The following CCDC170 variants were observed in gnomAD, a reference collection of about 807,000 sequenced individuals.
CCDC170 encodes the protein coiled-coil domain containing 170.
In CCDC170, 69 loss-of-function variants were observed where a neutral mutation model predicts 72.6. The ratio of observed to expected loss-of-function variants is 0.95; its 90% CI spans 0.78 to 1.16. The LOEUF (loss-of-function observed/expected upper bound fraction) is 1.16, where lower values mean the gene tolerates loss of function less well. Ranked by LOEUF, CCDC170 falls within the 50% of genes most tolerant of loss-of-function variation. The probability of loss-of-function intolerance (pLI) is 0.00; values close to 1 mark genes in which losing one functional copy is unlikely to be tolerated. For synonymous variants in CCDC170, 300 were observed against 303.9 expected (o/e 0.99, Z 0.13); for missense variants, 852 against 832.5 (o/e 1.02, Z -0.29).
intron 5 of CCDC170, among the ~76,000 whole-genome samples, chr6:151,549,817 T>C (rs1782851783): frequency 6.6e-6 from 1 of 152,250 alleles, no homozygotes; most frequent in Non-Finnish European, 1.5e-5. Context: ...GTTGACACAC[T>C]CTGCACACTA....
At chr6:151,614,164 A>G (rs933614885) in intron 9 of CCDC170, among the ~76,000 whole-genome samples, 1 of 152,184 alleles carries the variant, frequency 6.6e-6, no homozygotes, top group Non-Finnish European at 1.5e-5. Flanking sequence ...GTACAATTCC[A>G]TGGTGTTAAG....
At chr6:151,553,126 G>A (rs1782912088) in intron 5 of CCDC170, among the ~76,000 whole-genome samples, 1 of 152,028 alleles carries the variant, frequency 6.6e-6, no homozygotes, top group African/African-American at 2.4e-5. Context: ...TCCTAAGACT[G>A]GTGAATGGTG....
At chr6:151,500,575 A>T (rs1218773005) in intron 1 of CCDC170, among the ~76,000 whole-genome samples, 1 of 114,474 alleles carries the variant, frequency 8.7e-6, no homozygotes, top group Non-Finnish European at 1.7e-5. Context: ...GTTGAAAGTA[A>T]AAGTGTATAA....
intron 6 of CCDC170, among the ~76,000 whole-genome samples, chr6:151,577,788 A>G (rs1776325292): frequency 6.6e-6 from 1 of 152,248 alleles, no homozygotes; most frequent in South Asian, 2.1e-4. Flanking sequence ...CAGCAGCGGC[A>G]TTAGATTCTC....
In CCDC170 at chr6:151,509,207, CATCTATCTATCTATGTATCT is replaced by C. The variant is rs1483830695; in HGVS notation, c.57+15037_57+15056del. ...CTCCCCCCTTTCGCTCTCTCTGTCT[CATCTATCTATCTATGTATCT>C]ATCTATCTATCTATCTATCTATCTA... On this transcript the variant is annotated intron_variant, in intron 1 of 10. Coordinates refer to ENST00000239374, the MANE Select transcript of CCDC170 (RefSeq NM_025059.4). Among the ~76,000 whole-genome samples, 988 of 141,810 alleles carry C rather than the reference CATCTATCTATCTATGTATCT, an allele frequency of 7.0e-3. 11 individuals are homozygous for C. Among genetic ancestry groups the C allele is most frequent in the African/African-American group, 0.026 (929 of 35,744 alleles). The allele number at this position is 141,810 out of a possible 152,430, so 93.0% of individuals were successfully genotyped here.
chr6:151,613,631 T>C (rs1416687786), intron 9 of CCDC170, among the ~76,000 whole-genome samples: 4 of 152,230 alleles, frequency 2.6e-5, no homozygotes, highest in African/African-American at 9.6e-5. Context: ...CTTAGCATGA[T>C]GTTTTCAAGG....
intron 5 of CCDC170, among the ~76,000 whole-genome samples, chr6:151,561,713 T>G (rs1776037464): frequency 6.6e-6 from 1 of 152,106 alleles, no homozygotes; most frequent in Admixed American, 6.5e-5. Context: ...TTGTATACTA[T>G]CTCATAGGAG....
At chr6:151,587,549 G>T (rs1776472062) in intron 7 of CCDC170, among the ~76,000 whole-genome samples, 2 of 152,172 alleles carry the variant, frequency 1.3e-5, no homozygotes, top group African/African-American at 4.8e-5. Flanking sequence ...ATGCCCTAAA[G>T]TTGAAACATG....
chr6:151,610,034 A>T (rs1776844956), intron 9 of CCDC170, among the ~76,000 whole-genome samples: 1 of 152,216 alleles, frequency 6.6e-6, no homozygotes, highest in African/African-American at 2.4e-5. Context: ...TTCTTTTATA[A>T]ATACAAGGTT....
At chr6:151,579,106 A>G (rs1371430802) in intron 6 of CCDC170, among the ~76,000 whole-genome samples, 2 of 151,574 alleles carry the variant, frequency 1.3e-5, no homozygotes, top group African/African-American at 4.9e-5. Context: ...CTCACCCTCC[A>G]CTGCCCACCT....
chr6:151,554,256 A>G (rs993084934), intron 5 of CCDC170, among the ~76,000 whole-genome samples: 2 of 152,230 alleles, frequency 1.3e-5, no homozygotes, highest in African/African-American at 4.8e-5. Context: ...CCCATTTCCT[A>G]TGAATTACAG....
At chr6:151,526,300 G>A (rs1782409947) in intron 1 of CCDC170, among the ~76,000 whole-genome samples, 2 of 151,534 alleles carry the variant, frequency 1.3e-5, no homozygotes, top group African/African-American at 2.4e-5. Flanking sequence ...TTGGCTCACT[G>A]CACCTCCACC....
chr6:151,557,970 C>T (rs111245089), intron 5 of CCDC170, among the ~76,000 whole-genome samples: 2,825 of 152,190 alleles, frequency 0.019, 99 homozygotes, highest in African/African-American at 0.064. Context: ...CGTGGTGATA[C>T]ACACTTGTAA....
At chr6:151,573,514 C>T in intron 6 of CCDC170, 23 bp downstream of exon 6, 2 of 1,601,216 alleles carry the variant, frequency 1.2e-6, no homozygotes, top group Non-Finnish European at 8.5e-7. Context: ...TGGCTGTTTA[C>T]AGACATCTTA....
rs1369608642 is a variant in CCDC170, at chr6:151,548,310, G to A, written c.595G>A (p.Asp199Asn). 5 of 1,577,024 alleles carry A rather than the reference G, an allele frequency of 3.2e-6. No individual in the cohort carries two copies. The highest frequency in any genetic ancestry group is 4.3e-6 in the Non-Finnish European group (5 of 1,160,276). Residue 199 changes from aspartate to asparagine, a missense_variant, in exon 5 of 11, where the codon GAC (aspartate) becomes AAC (asparagine). By Grantham distance (23) the Asp-to-Asn change is conservative. Coordinates refer to ENST00000239374, the MANE Select transcript of CCDC170 (RefSeq NM_025059.4). ...GTAATTGCTTTCTCTTCAGCTTAGA[G>A]ACCTGCGCAAAGAAAATGAATTCGT... ...SDEDLILKLR[D>N]LRKENEFVKG...
chr6:151,584,771 C>A (rs1344799829), intron 6 of CCDC170, among the ~76,000 whole-genome samples: 3 of 152,122 alleles, frequency 2.0e-5, no homozygotes, highest in Admixed American at 6.5e-5. Flanking sequence ...CAGAACAAAT[C>A]CTTTTGTTCT....
chr6:151,554,879 T>TTG (rs1554222442), intron 5 of CCDC170, among the ~76,000 whole-genome samples: 2 of 140,378 alleles, frequency 1.4e-5, no homozygotes, highest in East Asian at 2.1e-4. Context: ...TCAGTTTTTT[T>TTG]TTTTTTTTTT....
At chr6:151,532,484 G>A (rs1327638447) in intron 1 of CCDC170, among the ~76,000 whole-genome samples, 3 of 151,998 alleles carry the variant, frequency 2.0e-5, no homozygotes, top group Non-Finnish European at 4.4e-5. Flanking sequence ...GCACATGCCT[G>A]TAATCCCAGC....
At chr6:151,532,584 G>A (rs951978813) in intron 1 of CCDC170, among the ~76,000 whole-genome samples, 1 of 151,074 alleles carries the variant, frequency 6.6e-6, no homozygotes, top group African/African-American at 2.4e-5. Context: ...TCCAGCCTGG[G>A]TGAGAGGGAG....
Sources: gnomAD v4.1 joint callset for allele counts (sites outside exome capture counted in the v4.1 genomes callset) on GRCh38, gnomAD v4.1.1 for gene constraint, MANE v1.5 for transcripts, NCBI Gene and HGNC (gene_info 2026-07-23, HGNC 2026-07-21) for gene names.